Variants in DENND1A observed in about 807,000 individuals in gnomAD.
DENND1A encodes DENN domain containing 1A, also known as DENN domain-containing protein 1A.
A neutral mutation model predicts 113.7 loss-of-function variants in DENND1A; 51 were observed. The ratio of observed to expected loss-of-function variants is 0.45; its 90% CI spans 0.36 to 0.57. The LOEUF is 0.57. Ranked by LOEUF, DENND1A falls within the 20% of genes least tolerant of loss-of-function variation. The pLI is 0.00. For synonymous variants in DENND1A, 565 were observed against 570.8 expected (o/e 0.99, Z 0.14); for missense variants, 1,258 against 1,395.9 (o/e 0.90, Z 1.57).
intron 2 of DENND1A, among the ~76,000 whole-genome samples, chr9:123,862,103 T>A (rs374265501): frequency 8.8e-4 from 133 of 151,906 alleles, no homozygotes; most frequent in South Asian, 1.7e-3. Context: ...TAAAAAAAAA[T>A]TTTTTTTTAA....
chr9:123,521,526 C>A (rs1478910563), intron 13 of DENND1A, among the ~76,000 whole-genome samples: 1 of 152,164 alleles, frequency 6.6e-6, no homozygotes, highest in Admixed American at 6.5e-5. Context: ...GTGTTCCAAA[C>A]AAGCTATAAT....
chr9:123,843,005 A>G (rs1325101195), intron 2 of DENND1A: 1 of 437,810 alleles, frequency 2.3e-6, no homozygotes, highest in South Asian at 1.8e-5. Context: ...CCCTTCCCCA[A>G]GCGAGAGAGA....
At chr9:123,704,730 A>G (rs2066081705) in intron 5 of DENND1A, among the ~76,000 whole-genome samples, 1 of 152,178 alleles carries the variant, frequency 6.6e-6, no homozygotes, top group Non-Finnish European at 1.5e-5. Context: ...TTTTAAAGGA[A>G]TGATTGACAA....
chr9:123,427,579 T>C (rs1393215834), intron 19 of DENND1A, among the ~76,000 whole-genome samples: 1 of 152,196 alleles, frequency 6.6e-6, no homozygotes, highest in Non-Finnish European at 1.5e-5. Context: ...CTGCATGCTC[T>C]CTCGGTTTTA....
intron 2 of DENND1A, among the ~76,000 whole-genome samples, chr9:123,817,592 G>C (rs970857929): frequency 6.6e-6 from 1 of 152,102 alleles, no homozygotes; most frequent in East Asian, 1.9e-4. Context: ...ACCTCAGAAC[G>C]TTAACTTAAA....
At chr9:123,850,612 G>A (rs565081424) in intron 2 of DENND1A, among the ~76,000 whole-genome samples, 4 of 152,258 alleles carry the variant, frequency 2.6e-5, no homozygotes, top group South Asian at 2.1e-4. Flanking sequence ...ACACGACCTG[G>A]GTTCAAATCC....
chr9:123,685,323 T>C (rs912708571), intron 5 of DENND1A, among the ~76,000 whole-genome samples: 5 of 152,230 alleles, frequency 3.3e-5, no homozygotes, highest in Admixed American at 3.3e-4. Flanking sequence ...CAGCTGCTAA[T>C]CTCAAACTGT....
At chr9:123,754,573 C>T (rs985523601) in intron 5 of DENND1A, among the ~76,000 whole-genome samples, 3 of 152,164 alleles carry the variant, frequency 2.0e-5, no homozygotes, top group African/African-American at 7.2e-5. Flanking sequence ...GTATTAGATA[C>T]AGCATACTGT....
At chr9:123,762,578 T>C (rs1470109874) in intron 4 of DENND1A, among the ~76,000 whole-genome samples, 1 of 152,248 alleles carries the variant, frequency 6.6e-6, no homozygotes, top group Non-Finnish European at 1.5e-5. Flanking sequence ...TTTTGCAAAT[T>C]GAGCTACAAC....
At position 123,387,822 on chromosome 9, in the gene DENND1A, G is replaced by A. The variant is rs1021710775; in HGVS notation, c.1668C>T (p.Leu556=). The A allele has an allele frequency of 7.8e-7, 1 of 1,290,064 alleles. No homozygotes were observed. The highest frequency in any genetic ancestry group is 5.5e-5 in the East Asian group (1 of 18,032). 79.9% of individuals were successfully genotyped at this position (1,290,064 alleles called of 1,614,324 possible). ...VKPLRHYAVF[L]SEDSSDDECQ... is the part of the protein sequence containing the mutation. ...ATTCATCATCAGAGGAGTCTTCGGA[G>A]AGGAAGACCGCATAGTGTCGCAAGG... The change falls in exon 22 of 24, where the codon CTC becomes CTT. Residue 556 remains leucine (L), a synonymous_variant. Coordinates refer to ENST00000394215, the MANE Select transcript of DENND1A (RefSeq NM_001352964.2).
chr9:123,436,763 T>C lies in DENND1A; in HGVS notation c.1488+3597A>G, dbSNP rs189035184. ...GTTGACAAAATATCTTTTTTTTTTT[T>C]TTGAGACAGGGTCTCGCTCTGTCAC... On this transcript the variant is annotated intron_variant, in intron 19 of 23. Coordinates refer to ENST00000394215, the MANE Select transcript of DENND1A (RefSeq NM_001352964.2). Among the ~76,000 whole-genome samples the C allele has an allele frequency of 5.4e-3, 829 of 152,264 alleles. 4 individuals are homozygous for C. Among genetic ancestry groups the C allele is most frequent in the African/African-American group, 0.019 (791 of 41,546 alleles).
At chr9:123,538,782 GTA>G (rs1228957764) in intron 13 of DENND1A, among the ~76,000 whole-genome samples, 3 of 121,418 alleles carry the variant, frequency 2.5e-5, no homozygotes, top group Non-Finnish European at 5.1e-5. Context: ...GTGTGTGTGT[GTA>G]TGAATCCAAA....
chr9:123,589,939 G>C (rs7852296), intron 11 of DENND1A, among the ~76,000 whole-genome samples: 1 of 152,150 alleles, frequency 6.6e-6, no homozygotes, highest in African/African-American at 2.4e-5. Flanking sequence ...TAGGCAACTG[G>C]CTTGACTGCA....
intron 13 of DENND1A, among the ~76,000 whole-genome samples, chr9:123,511,308 C>A (rs2053441974): frequency 6.6e-6 from 1 of 152,202 alleles, no homozygotes; most frequent in Non-Finnish European, 1.5e-5. Context: ...CTGTCCTGAG[C>A]CTAGGCTATG....
At chr9:123,805,976 T>C (rs1231508161) in intron 2 of DENND1A, among the ~76,000 whole-genome samples, 1 of 152,180 alleles carries the variant, frequency 6.6e-6, no homozygotes, top group Admixed American at 6.5e-5. Flanking sequence ...TGTTTTCAGA[T>C]GGAGTCTCGC....
intron 5 of DENND1A, among the ~76,000 whole-genome samples, chr9:123,725,446 A>C (rs1241413430): frequency 6.6e-6 from 1 of 152,238 alleles, no homozygotes; most frequent in Admixed American, 6.5e-5. Flanking sequence ...TTTCAGCATC[A>C]CACTCCCTAT....
chr9:123,711,970 T>C (rs2066665670), intron 5 of DENND1A, among the ~76,000 whole-genome samples: 1 of 152,246 alleles, frequency 6.6e-6, no homozygotes, highest in Non-Finnish European at 1.5e-5. Flanking sequence ...TAAAGGCATG[T>C]GTCTCTTTTC....
chr9:123,545,216 T>C (rs1334302696), intron 13 of DENND1A, among the ~76,000 whole-genome samples: 2 of 152,188 alleles, frequency 1.3e-5, no homozygotes, highest in African/African-American at 2.4e-5. Context: ...CACTGTCTTC[T>C]GGAGAAGGCT....
At chr9:123,651,968 TA>T (rs745785284) in intron 9 of DENND1A, 44 bp downstream of exon 9, 1 of 1,540,484 alleles carries the variant, frequency 6.5e-7, no homozygotes, top group Admixed American at 1.8e-5. Flanking sequence ...ATCTTTCAAT[TA>T]AAATTAGATC....
Sources: gnomAD v4.1 joint callset for allele counts (sites outside exome capture counted in the v4.1 genomes callset) on GRCh38, gnomAD v4.1.1 for gene constraint, MANE v1.5 for transcripts, NCBI Gene and HGNC (gene_info 2026-07-23, HGNC 2026-07-21) for gene names.